Variants in ANKRD30BL observed in about 807,000 individuals in gnomAD.
ANKRD30BL encodes putative ankyrin repeat domain-containing protein 30B-like.
Under a neutral mutation model 18.4 loss-of-function variants are expected in ANKRD30BL, and 20 were observed. That is an observed-to-expected ratio of 1.09 (90% confidence interval 0.77 to 1.58). ANKRD30BL has a LOEUF of 1.58. ANKRD30BL is among the 40% of genes most tolerant of loss of function. The pLI, the probability that ANKRD30BL is intolerant of heterozygous loss-of-function variation, is 0.00. For missense variants in ANKRD30BL, 224 were observed against 268.6 expected, an observed-to-expected ratio of 0.83 and a Z score of 1.16; for synonymous variants, 72 against 100.9, an observed-to-expected ratio of 0.71 and a Z score of 1.72.
intron 1 of ANKRD30BL, among the ~76,000 whole-genome samples, chr2:132,245,137 GC>G (rs1680460101): frequency 2.2e-3 from 1 of 448 alleles, no homozygotes; most frequent in South Asian, 0.17. Context: ...CTCAGAAGCT[GC>G]TTTTTGATGT....
intron 1 of ANKRD30BL, among the ~76,000 whole-genome samples, chr2:132,233,544 T>G (rs1377095252): frequency 6.8e-6 from 1 of 148,134 alleles, no homozygotes; most frequent in Non-Finnish European, 1.5e-5. Context: ...TCCTAGTCTC[T>G]GATAAAACAG....
intron 1 of ANKRD30BL, among the ~76,000 whole-genome samples, chr2:132,237,933 A>C (rs545243485): frequency 7.9e-5 from 12 of 151,628 alleles, no homozygotes; most frequent in African/African-American, 2.7e-4. Context: ...GGATAGCTTT[A>C]AGGCTTTGTT....
intron 1 of ANKRD30BL, among the ~76,000 whole-genome samples, chr2:132,237,599 G>A (rs112943547): frequency 1.1e-3 from 170 of 151,942 alleles, no homozygotes; most frequent in African/African-American, 3.9e-3. Flanking sequence ...TGAGGCCTTC[G>A]CTGGAAACGG....
chr2:132,212,830 G>A (rs1468827445), intron 1 of ANKRD30BL, among the ~76,000 whole-genome samples: 8 of 151,528 alleles, frequency 5.3e-5, no homozygotes, highest in Non-Finnish European at 1.2e-4. Context: ...CTAGACAGAA[G>A]CATTCTGACA....
At chr2:132,243,818 A>G (rs112226907) in intron 1 of ANKRD30BL, among the ~76,000 whole-genome samples, 1 of 152,012 alleles carries the variant, frequency 6.6e-6, no homozygotes, top group South Asian at 2.1e-4. Flanking sequence ...ATTCCTTTAC[A>G]TTGAGCAGTT....
chr2:132,195,654 G>A (rs1413037626), intron 1 of ANKRD30BL, among the ~76,000 whole-genome samples: 5 of 151,448 alleles, frequency 3.3e-5, no homozygotes, highest in South Asian at 2.1e-4. Flanking sequence ...AGCAGGGCAC[G>A]GTGGTGGGTG....
chr2:132,196,523 C>T (rs1483224732), intron 1 of ANKRD30BL, among the ~76,000 whole-genome samples: 1 of 152,048 alleles, frequency 6.6e-6, no homozygotes, highest in Non-Finnish European at 1.5e-5. Context: ...CGTGGTGGCT[C>T]ACATCTGTAA....
intron 1 of ANKRD30BL, among the ~76,000 whole-genome samples, chr2:132,236,921 T>G (rs879665937): frequency 6.6e-6 from 1 of 151,706 alleles, no homozygotes; most frequent in Non-Finnish European, 1.5e-5. Context: ...GTGGCACATA[T>G]ACACCATGGA....
intron 1 of ANKRD30BL, among the ~76,000 whole-genome samples, chr2:132,214,945 C>T (rs1477481558): frequency 6.6e-6 from 1 of 152,044 alleles, no homozygotes; most frequent in Non-Finnish European, 1.5e-5. Context: ...TTGAATCACT[C>T]TTTTTGTAGA....
intron 1 of ANKRD30BL, among the ~76,000 whole-genome samples, chr2:132,220,034 T>A (rs189713867): frequency 6.6e-6 from 1 of 152,192 alleles, no homozygotes; most frequent in African/African-American, 2.4e-5. Flanking sequence ...CTCAGAAACT[T>A]CTTTGTGATG....
intron 1 of ANKRD30BL, among the ~76,000 whole-genome samples, chr2:132,216,568 G>A (rs79864127): frequency 8.8e-4 from 134 of 152,226 alleles, no homozygotes; most frequent in Admixed American, 1.4e-3. Flanking sequence ...AAACTTCTTC[G>A]TGATGTGTGC....
intron 1 of ANKRD30BL, among the ~76,000 whole-genome samples, chr2:132,229,635 A>C (rs1679950856): frequency 6.6e-6 from 1 of 152,154 alleles, no homozygotes; most frequent in Non-Finnish European, 1.5e-5. Flanking sequence ...CATAAACACT[A>C]GACAGAAGCA....
rs541830067 is a variant in ANKRD30BL at position 132,159,279 on chromosome 2, T to C, written c.219-1856A>G. Among the ~76,000 whole-genome samples the C allele has an allele frequency of 1.6e-3, 241 of 152,238 alleles. 2 individuals are homozygous for C. The highest frequency in any genetic ancestry group is 5.6e-3 in the African/African-American group (233 of 41,586). ...ATGCTGTAAATTCACTGAAATGTATTTATAAAAGTCATTATATGAATTCTT... is the reference window on the plus strand; with the variant it reads ...ATGCTGTAAATTCACTGAAATGTATCTATAAAAGTCATTATATGAATTCTT... On this transcript the variant is annotated intron_variant, in intron 1 of 5. Transcript: ENST00000409867.
Position 132,199,090 on chromosome 2 carries a change from G to A in ANKRD30BL, n.442-41944C>T, listed in dbSNP as rs180927090. ...CTAGCAGCTGGGTGCAGTGGCTCAC[G>A]CCTGTAATCCCAGCACCTTGGGAGG... On this transcript the variant is annotated intron_variant and non_coding_transcript_variant, in intron 1 of 4. Coordinates refer to the ANKRD30BL transcript ENST00000470729. Among the ~76,000 whole-genome samples, 838 of 152,232 alleles carry A rather than the reference G, an allele frequency of 5.5e-3. 4 individuals are homozygous for A. Among genetic ancestry groups the A allele is most frequent in the Non-Finnish European group, 7.4e-3 (501 of 68,014 alleles).
chr2:132,209,955 A>C (rs76528194), intron 1 of ANKRD30BL, among the ~76,000 whole-genome samples: 2 of 152,100 alleles, frequency 1.3e-5, no homozygotes, highest in African/African-American at 4.8e-5. Context: ...GCAGTTTTGA[A>C]ACACTCTTTT....
intron 1 of ANKRD30BL, among the ~76,000 whole-genome samples, chr2:132,201,304 T>G (rs1243302179): frequency 6.6e-6 from 1 of 152,096 alleles, no homozygotes; most frequent in Non-Finnish European, 1.5e-5. Context: ...TGGGATCTAA[T>G]TAAACTGAAG....
chr2:132,204,563 G>A (rs1679173560), intron 1 of ANKRD30BL, among the ~76,000 whole-genome samples: 1 of 151,790 alleles, frequency 6.6e-6, no homozygotes, highest in Non-Finnish European at 1.5e-5. Flanking sequence ...AGAAGAAAAA[G>A]TCAGAAAGAA....
chr2:132,222,101 C>A (rs1184437590), intron 1 of ANKRD30BL, among the ~76,000 whole-genome samples: 4 of 147,246 alleles, frequency 2.7e-5, no homozygotes, highest in South Asian at 2.1e-4. Flanking sequence ...GTCAGCCCCC[C>A]ACCCGGCCAG....
chr2:132,255,682 C>G (rs896752723), intron 1 of ANKRD30BL, among the ~76,000 whole-genome samples: 1 of 152,184 alleles, frequency 6.6e-6, no homozygotes, highest in Admixed American at 6.5e-5. Context: ...TTTTTCGTCA[C>G]TACCTCCCCG....
Sources: allele counts gnomAD v4.1 joint callset (sites outside exome capture counted in the v4.1 genomes callset), GRCh38; gene constraint gnomAD v4.1.1; transcripts MANE v1.5; gene names NCBI Gene and HGNC (gene_info 2026-07-23, HGNC 2026-07-21).